Variants in SLIT2 observed in about 807,000 individuals in gnomAD.
SLIT2 encodes slit guidance ligand 2.
SLIT2 carries 41 observed loss-of-function variants against 185.7 expected under a neutral mutation model. The ratio of observed to expected loss-of-function variants is 0.22; its 90% CI spans 0.17 to 0.29. The LOEUF (loss-of-function observed/expected upper bound fraction) is 0.29. Ranked by LOEUF, SLIT2 falls within the 10% of genes least tolerant of loss-of-function variation. The pLI is 1.00. For synonymous variants in SLIT2, 693 were observed against 680.2 expected, an observed-to-expected ratio of 1.02 and a Z score of -0.29; for missense variants, 1,571 against 1,909.0, an observed-to-expected ratio of 0.82 and a Z score of 3.30.
In SLIT2 at chr4:20,268,893, C is replaced by A; in HGVS notation, c.395+12C>A. ...AAGCTATACAGGCTGTAAGTAGACA[C>A]AAATAGTTATTGTTGCTTTGGGTAG... On this transcript the variant is annotated intron_variant, in intron 4 of 36. Transcript: ENST00000504154. The A allele has an allele frequency of 1.3e-6, 2 of 1,522,764 alleles. No homozygotes were observed. The highest frequency in any genetic ancestry group is 1.1e-5 in the South Asian group (1 of 89,196). 94.3% of individuals were successfully genotyped at this position (1,522,764 alleles called of 1,614,324 possible).
chr4:20,598,861 T>G (rs1728193006), intron 33 of SLIT2, among the ~76,000 whole-genome samples: 1 of 152,166 alleles, frequency 6.6e-6, no homozygotes, highest in African/African-American at 2.4e-5. Flanking sequence ...CCTGTCTGTG[T>G]TCCCCACGGG....
At chr4:20,314,409 A>G (rs886175382) in intron 4 of SLIT2, among the ~76,000 whole-genome samples, 2 of 152,192 alleles carry the variant, frequency 1.3e-5, no homozygotes, top group Non-Finnish European at 2.9e-5. Context: ...GGTTTGATAT[A>G]TTGAGTAAAT....
chr4:20,282,960 T>C (rs1714917681), intron 4 of SLIT2, among the ~76,000 whole-genome samples: 1 of 152,224 alleles, frequency 6.6e-6, no homozygotes. Context: ...AAATCTGTTC[T>C]TTTCAATCCA....
intron 4 of SLIT2, among the ~76,000 whole-genome samples, chr4:20,379,550 A>G (rs953442575): frequency 9.2e-5 from 14 of 152,152 alleles, no homozygotes; most frequent in African/African-American, 2.2e-4. Flanking sequence ...TATAATTTCC[A>G]TAAGCAATAG....
intron 4 of SLIT2, among the ~76,000 whole-genome samples, chr4:20,325,765 A>G (rs1376318080): frequency 6.6e-6 from 1 of 152,134 alleles, no homozygotes; most frequent in Non-Finnish European, 1.5e-5. Context: ...GGTATCTTTC[A>G]TATAAATCTC....
At chr4:20,307,238 C>CCTTCCTTCCTTT (rs1301679815) in intron 4 of SLIT2, among the ~76,000 whole-genome samples, 3 of 121,228 alleles carry the variant, frequency 2.5e-5, no homozygotes, top group African/African-American at 1.1e-4. Context: ...TCTTTTCCTT[C>CCTTCCTTCCTTT]CTTCCTTCCT....
chr4:20,564,945 G>A (rs545931320), intron 26 of SLIT2, among the ~76,000 whole-genome samples: 5 of 151,994 alleles, frequency 3.3e-5, no homozygotes, highest in Admixed American at 2.6e-4. Flanking sequence ...ATCAGATATG[G>A]TCCGGTGGAC....
intron 4 of SLIT2, among the ~76,000 whole-genome samples, chr4:20,291,246 G>A (rs998192600): frequency 6.6e-6 from 1 of 151,820 alleles, no homozygotes; most frequent in African/African-American, 2.4e-5. Flanking sequence ...AAAGCATTCA[G>A]TAAATAGTTG....
At position 20,305,872 on chromosome 4, in the gene SLIT2, AAATAATAATAATAATAATAAT is replaced by A. The variant is rs56164214; in HGVS notation, c.395+37022_395+37042del. 6.2e-3 allele frequency among the ~76,000 whole-genome samples: 852 copies of A among 136,476 alleles called. 10 individuals carry two copies. The highest frequency in any genetic ancestry group is 0.019 in the African/African-American group (688 of 36,584). The allele number at this position is 136,476 out of a possible 152,430, so 89.5% of individuals were successfully genotyped here. On this transcript the variant is annotated intron_variant, in intron 4 of 36. Coordinates refer to ENST00000504154, the MANE Select transcript of SLIT2 (RefSeq NM_004787.4). ...TGGGTGACAGAGTGAGACTGTCTCA[AAATAATAATAATAATAATAAT>A]AATAATAATAATAATAATAATAATA...
At chr4:20,423,066 CT>C (rs1728286058) in intron 4 of SLIT2, among the ~76,000 whole-genome samples, 1 of 152,064 alleles carries the variant, frequency 6.6e-6, no homozygotes, top group South Asian at 2.1e-4. Context: ...ATGCTTGTGT[CT>C]TCTGGTTTAC....
At chr4:20,557,730 G>A (rs1724378515) in intron 26 of SLIT2, among the ~76,000 whole-genome samples, 2 of 152,030 alleles carry the variant, frequency 1.3e-5, no homozygotes, top group South Asian at 4.1e-4. Flanking sequence ...GTACATAGTG[G>A]TTCTTCTGAT....
At chr4:20,373,735 A>G (rs1031175300) in intron 4 of SLIT2, among the ~76,000 whole-genome samples, 2 of 152,070 alleles carry the variant, frequency 1.3e-5, no homozygotes, top group Non-Finnish European at 2.9e-5. Context: ...ACCCAATTGC[A>G]TATCCTGCAG....
At chr4:20,418,864 A>T (rs1727921721) in intron 4 of SLIT2, among the ~76,000 whole-genome samples, 1 of 152,176 alleles carries the variant, frequency 6.6e-6, no homozygotes, top group Admixed American at 6.5e-5. Context: ...TGAAAGGATT[A>T]TGGTGTGAAC....
intron 11 of SLIT2, among the ~76,000 whole-genome samples, chr4:20,517,213 T>C (rs1434345925): frequency 1.3e-5 from 2 of 152,190 alleles, no homozygotes; most frequent in Non-Finnish European, 2.9e-5. Flanking sequence ...TTTGAAGCCA[T>C]ACCTTCTTTA....
chr4:20,618,701 TCA>T (rs765013953), intron 36 of SLIT2, 65 bp from the exon 37 acceptor site: 481 of 1,466,960 alleles, frequency 3.3e-4, no homozygotes, highest in Admixed American at 4.2e-4. Flanking sequence ...AGTTGTGGAT[TCA>T]CAGTCACTCT....
intron 4 of SLIT2, among the ~76,000 whole-genome samples, chr4:20,430,882 T>C (rs924957268): frequency 6.6e-6 from 1 of 152,216 alleles, no homozygotes; most frequent in Non-Finnish European, 1.5e-5. Flanking sequence ...TTGAGATCCA[T>C]ATCTACATGT....
chr4:20,480,551 A>G (rs188219614), intron 5 of SLIT2, among the ~76,000 whole-genome samples, 165 bp from the exon 6 acceptor site: 1 of 152,268 alleles, frequency 6.6e-6, no homozygotes, highest in Admixed American at 6.5e-5. Context: ...CAGTGGCGGC[A>G]TAGAGGCGAG....
chr4:20,258,428 T>C (rs1011624888), intron 3 of SLIT2, among the ~76,000 whole-genome samples: 8 of 151,844 alleles, frequency 5.3e-5, no homozygotes, highest in African/African-American at 1.9e-4. Context: ...GTGAACATTG[T>C]TATTGTTAAT....
In SLIT2 at chr4:20,253,821, C is replaced by T. The variant is rs765158101; in HGVS notation, c.6C>T (p.Arg2=). M[R]GVGWQMLSLS... ...GAAGGAGGCGGCGGGGAAAGATGCG[C>T]GGCGTTGGCTGGCAGATGCTGTCCC... Residue 2 remains arginine, a synonymous_variant, in exon 1 of 37, where the codon CGC becomes CGT. Coordinates refer to ENST00000504154, the MANE Select transcript of SLIT2 (RefSeq NM_004787.4). 6 of 1,598,638 alleles carry T rather than the reference C, an allele frequency of 3.8e-6. No individual in the cohort carries two copies. The East Asian group carries it at 1.3e-4, about 36-fold the overall frequency.
Sources: gnomAD v4.1 joint callset for allele counts (sites outside exome capture counted in the v4.1 genomes callset) on GRCh38, gnomAD v4.1.1 for gene constraint, MANE v1.5 for transcripts, NCBI Gene and HGNC (gene_info 2026-07-23, HGNC 2026-07-21) for gene names.